Variants in SKAP2 observed in about 807,000 individuals in gnomAD.
SKAP2 encodes the protein src kinase-associated phosphoprotein 2.
In SKAP2, 28 loss-of-function variants were observed where a neutral mutation model predicts 54.9. The observed-to-expected ratio is 0.51, with a 90% confidence interval of 0.38 to 0.70. The LOEUF (loss-of-function observed/expected upper bound fraction) is 0.70, where lower values mean the gene tolerates loss of function less well. Ranked by LOEUF, SKAP2 falls within the 30% of genes least tolerant of loss-of-function variation. The probability of loss-of-function intolerance (pLI) is 0.00; values close to 1 mark genes in which losing one functional copy is unlikely to be tolerated. For missense variants in SKAP2, 356 were observed against 424.1 expected (o/e 0.84, Z 1.41); for synonymous variants, 137 against 134.3 (o/e 1.02, Z -0.14).
At chr7:26,843,573 A>C (rs1784860597) in intron 4 of SKAP2, among the ~76,000 whole-genome samples, 3 of 152,060 alleles carry the variant, frequency 2.0e-5, no homozygotes. Context: ...CATTTGATAA[A>C]AACCTGTCTC....
intron 11 of SKAP2, among the ~76,000 whole-genome samples, chr7:26,674,043 G>A (rs1453982128): frequency 6.6e-6 from 1 of 151,952 alleles, no homozygotes; most frequent in East Asian, 1.9e-4. Context: ...CGAATGATAT[G>A]GTAAAAGAAT....
intron 9 of SKAP2, among the ~76,000 whole-genome samples, chr7:26,698,037 T>C (rs1035846060): frequency 5.9e-5 from 9 of 152,194 alleles, no homozygotes; most frequent in Admixed American, 3.3e-4. Flanking sequence ...TAGGCTGATG[T>C]TATGATTATT....
Position 26,832,469 on chromosome 7 carries a change from T to C in SKAP2, c.307+11561A>G, listed in dbSNP as rs113161334. Among the ~76,000 whole-genome samples, 186 of 152,276 alleles carry C rather than the reference T, an allele frequency of 1.2e-3. 1 individual carries two copies. Among genetic ancestry groups the C allele is most frequent in the African/African-American group, 4.3e-3 (179 of 41,570 alleles). ...TCTTGGTGTCATTAAAAAGGAAGCA[T>C]AGACTAAGCATCAACCTTTCCTCCT... On this transcript the variant is annotated intron_variant, in intron 4 of 12. Transcript: ENST00000345317.
intron 10 of SKAP2, among the ~76,000 whole-genome samples, chr7:26,689,947 A>G (rs1562576515): frequency 6.6e-6 from 1 of 152,202 alleles, no homozygotes; most frequent in Non-Finnish European, 1.5e-5. Flanking sequence ...TGCATGTTGT[A>G]TCTATAAACT....
At chr7:26,784,554 A>G (rs1302403515) in intron 4 of SKAP2, among the ~76,000 whole-genome samples, 2 of 152,212 alleles carry the variant, frequency 1.3e-5, no homozygotes, top group Admixed American at 1.3e-4. Flanking sequence ...TCTAAAGGTG[A>G]TGAATCATTC....
At chr7:26,763,992 C>T (rs1782988722) in intron 4 of SKAP2, among the ~76,000 whole-genome samples, 1 of 152,168 alleles carries the variant, frequency 6.6e-6, no homozygotes, top group South Asian at 2.1e-4. Flanking sequence ...TGTTAGGCAG[C>T]ACATGACTGT....
At chr7:26,685,278 C>T (rs912649008) in intron 10 of SKAP2, among the ~76,000 whole-genome samples, 9 of 151,772 alleles carry the variant, frequency 5.9e-5, no homozygotes, top group African/African-American at 2.2e-4. Context: ...ATTTGGGACA[C>T]TTCATGAAAA....
intron 4 of SKAP2, among the ~76,000 whole-genome samples, chr7:26,750,621 A>C (rs1782661064): frequency 6.6e-6 from 1 of 152,056 alleles, no homozygotes; most frequent in South Asian, 2.1e-4. Context: ...AATATACCAT[A>C]CATTTAAATT....
At chr7:26,697,561 T>C (rs1420351068) in intron 9 of SKAP2, among the ~76,000 whole-genome samples, 1 of 152,180 alleles carries the variant, frequency 6.6e-6, no homozygotes, top group Non-Finnish European at 1.5e-5. Context: ...TAAAATTCTT[T>C]TAGTCCAGGA....
At chr7:26,690,065 A>G (rs991881161) in intron 10 of SKAP2, among the ~76,000 whole-genome samples, 2 of 152,226 alleles carry the variant, frequency 1.3e-5, no homozygotes, top group Non-Finnish European at 2.9e-5. Context: ...TAATTCAGGA[A>G]GGAATACCTT....
intron 4 of SKAP2, among the ~76,000 whole-genome samples, chr7:26,787,514 G>C (rs1283719944): frequency 6.6e-6 from 1 of 152,040 alleles, no homozygotes; most frequent in East Asian, 1.9e-4. Flanking sequence ...AGTGGAGATG[G>C]GGTTTCACCA....
At chr7:26,812,837 A>T (rs1216956474) in intron 4 of SKAP2, among the ~76,000 whole-genome samples, 1 of 142,618 alleles carries the variant, frequency 7.0e-6, no homozygotes, top group Non-Finnish European at 1.6e-5. Flanking sequence ...ATGCTTTTTT[A>T]AAAAAGAAAA....
chr7:26,696,814 C>A (rs1786904352), intron 9 of SKAP2, among the ~76,000 whole-genome samples: 1 of 151,944 alleles, frequency 6.6e-6, no homozygotes, highest in Non-Finnish European at 1.5e-5. Flanking sequence ...TTTGGGAGGC[C>A]AAGGCAGGAG....
rs542781399 is a variant in SKAP2, at chr7:26,815,252, T to C, written c.307+28778A>G. 1.2e-3 allele frequency among the ~76,000 whole-genome samples: 179 copies of C among 152,224 alleles called. 6 individuals carry two copies. The South Asian group carries it at 0.036, about 31-fold the overall frequency. ...CAAATTCAAATAATTTAAAAACACATACAGGTTTGAATGAAACAGAAAACC... is the reference window on the plus strand; with the variant it reads ...CAAATTCAAATAATTTAAAAACACACACAGGTTTGAATGAAACAGAAAACC... On this transcript the variant is annotated intron_variant, in intron 4 of 12. Transcript: ENST00000345317.
chr7:26,661,955 C>T, the SKAP2 span, among the ~76,000 whole-genome samples: 3 of 152,116 alleles, frequency 2.0e-5, no homozygotes, highest in Non-Finnish European at 4.4e-5. Context: ...AGAGAACAGG[C>T]ACCACTGGTA....
At chr7:26,801,578 C>A (rs1017844006) in intron 4 of SKAP2, among the ~76,000 whole-genome samples, 44 of 152,238 alleles carry the variant, frequency 2.9e-4, no homozygotes, top group African/African-American at 1.0e-3. Context: ...TCCTTGTTTG[C>A]CAATAATATG....
chr7:26,739,217 T>C (rs952974743), intron 5 of SKAP2, among the ~76,000 whole-genome samples: 4 of 152,232 alleles, frequency 2.6e-5, no homozygotes, highest in Non-Finnish European at 5.9e-5. Flanking sequence ...GGAGCTAACC[T>C]AGATTATTTC....
At chr7:26,775,371 T>C (rs1278987888) in intron 4 of SKAP2, among the ~76,000 whole-genome samples, 2 of 152,212 alleles carry the variant, frequency 1.3e-5, no homozygotes, top group African/African-American at 4.8e-5. Context: ...ACTTTTAGAT[T>C]CACATGCATT....
At chr7:26,765,909 T>C (rs1783041215) in intron 4 of SKAP2, among the ~76,000 whole-genome samples, 1 of 152,216 alleles carries the variant, frequency 6.6e-6, no homozygotes, top group Admixed American at 6.5e-5. Flanking sequence ...GCGTGATGTC[T>C]CCAGCTTTGT....
Sources: gnomAD v4.1 joint callset for allele counts (sites outside exome capture counted in the v4.1 genomes callset) on GRCh38, gnomAD v4.1.1 for gene constraint, MANE v1.5 for transcripts, NCBI Gene and HGNC (gene_info 2026-07-23, HGNC 2026-07-21) for gene names.